Variants in CACNA1D observed in about 807,000 individuals in gnomAD.
CACNA1D encodes voltage-dependent L-type calcium channel subunit alpha-1D.
A neutral mutation model predicts 257.1 loss-of-function variants in CACNA1D; 55 were observed. That is an observed-to-expected ratio of 0.21 (90% CI 0.17 to 0.27). The LOEUF (loss-of-function observed/expected upper bound fraction) is 0.27, where lower values mean the gene tolerates loss of function less well. CACNA1D is among the 10% of genes least tolerant of loss of function. The pLI, the probability that CACNA1D is intolerant of heterozygous loss-of-function variation, is 1.00. For synonymous variants in CACNA1D, 980 were observed against 1,014.9 expected, an observed-to-expected ratio of 0.97 and a Z score of 0.65; for missense variants, 1,876 against 2,784.0, an observed-to-expected ratio of 0.67 and a Z score of 7.34.
intron 3 of CACNA1D, among the ~76,000 whole-genome samples, chr3:53,523,992 T>A (rs951448648): frequency 6.6e-6 from 1 of 152,236 alleles, no homozygotes; most frequent in African/African-American, 2.4e-5. Flanking sequence ...TGTGAAATTC[T>A]CATTTTTAGG....
Position 53,781,795 on chromosome 3 carries a change from TAAAG to T in CACNA1D, c.4792+133_4792+136del, listed in dbSNP as rs1559677452. The T allele has an allele frequency of 5.4e-6, 4 of 739,642 alleles. 1 individual carries two copies. Among genetic ancestry groups the T allele is most frequent in the East Asian group, 2.5e-5 (1 of 39,258 alleles). The allele number at this position is 739,642 out of a possible 1,614,324, so 45.8% of individuals were successfully genotyped here. ...CATTTAGAGCATTAAGGCCAACTGA[TAAAG>T]AAAGCCCTTTGGCCATTTGGTGTGA... On this transcript the variant is annotated intron_variant, in intron 39 of 47. Coordinates refer to ENST00000350061, the MANE Select transcript of CACNA1D (RefSeq NM_001128840.3).
intron 29 of CACNA1D, among the ~76,000 whole-genome samples, chr3:53,759,890 T>C (rs1485842099): frequency 6.6e-6 from 1 of 152,260 alleles, no homozygotes; most frequent in Non-Finnish European, 1.5e-5. Flanking sequence ...GCAGCCCATC[T>C]CTGCTCAGTT....
At chr3:53,511,595 T>C (rs312487) in intron 3 of CACNA1D, among the ~76,000 whole-genome samples, 65,020 of 151,960 alleles carry the variant, frequency 0.43, 15,995 homozygotes, top group East Asian at 0.56. Flanking sequence ...GGGGTCAGGG[T>C]ACGACATTAA....
At chr3:53,593,487 AAGAAAT>A in intron 3 of CACNA1D, among the ~76,000 whole-genome samples, 1 of 152,152 alleles carries the variant, frequency 6.6e-6, no homozygotes, top group African/African-American at 2.4e-5. Context: ...AATACTTTGG[AAGAAAT>A]ACACCCCAAG....
At chr3:53,615,706 A>G (rs1237414538) in intron 3 of CACNA1D, among the ~76,000 whole-genome samples, 1 of 152,224 alleles carries the variant, frequency 6.6e-6, no homozygotes, top group Admixed American at 6.5e-5. Context: ...AGGCTGCACC[A>G]TATATGGGTT....
chr3:53,515,756 C>A (rs1185013370), intron 3 of CACNA1D, among the ~76,000 whole-genome samples: 2 of 152,240 alleles, frequency 1.3e-5, no homozygotes, highest in Non-Finnish European at 2.9e-5. Context: ...CCTCTGTTTT[C>A]TCACCTGTAA....
chr3:53,627,714 A>G lies in CACNA1D; in HGVS notation c.484-23065A>G, dbSNP rs144275858. Among the ~76,000 whole-genome samples the G allele has an allele frequency of 2.1e-3, 325 of 152,166 alleles. 2 individuals carry two copies. The highest frequency in any genetic ancestry group is 7.3e-3 in the African/African-American group (304 of 41,532). On this transcript the variant is annotated intron_variant, in intron 3 of 47. Transcript: ENST00000350061. The stretch of plus-strand genomic sequence containing the variant: ...GTCTAGTTCCATCTGTTGGTTTCTT[A>G]GAAAATGAGGTATTCAGGCCGGGTG...
chr3:53,798,308 C>CAT (rs1553686539), intron 40 of CACNA1D, among the ~76,000 whole-genome samples: 1 of 148,668 alleles, frequency 6.7e-6, no homozygotes, highest in Non-Finnish European at 1.5e-5. Flanking sequence ...TGTATGTGTG[C>CAT]GTGTGTGTGT....
intron 3 of CACNA1D, among the ~76,000 whole-genome samples, chr3:53,590,733 C>T (rs892188490): frequency 4.6e-5 from 7 of 152,176 alleles, no homozygotes; most frequent in African/African-American, 1.7e-4. Flanking sequence ...CGGCCGGGCA[C>T]CCTCTCGTTT....
chr3:53,807,354 C>T (rs2095571911), intron 45 of CACNA1D, among the ~76,000 whole-genome samples: 1 of 152,206 alleles, frequency 6.6e-6, no homozygotes, highest in African/African-American at 2.4e-5. Flanking sequence ...AACCAGGAGG[C>T]CCCACAGTGC....
In CACNA1D at chr3:53,789,319, A is replaced by G. The variant is rs1422029555; in HGVS notation, c.4923+2367A>G. Among the ~76,000 whole-genome samples, 7 of 152,280 alleles carry G rather than the reference A, an allele frequency of 4.6e-5. No homozygotes were observed. The highest frequency in any genetic ancestry group is 4.6e-4 in the Admixed American group (7 of 15,294). Reference sequence around the variant, plus strand: ...CATAATCTTAATAGAGAAACTGAAAATGTACTTGATTCTGAAACATTAAAC... The same window carrying G: ...CATAATCTTAATAGAGAAACTGAAAGTGTACTTGATTCTGAAACATTAAAC... On this transcript the variant is annotated intron_variant, in intron 40 of 47. Coordinates refer to ENST00000350061, the MANE Select transcript of CACNA1D (RefSeq NM_001128840.3). This position sits in a 1 kb window ranked among gnomAD's most constrained non-coding sequence, Gnocchi z 4.2.
At chr3:53,804,165 CCTCTT>C (rs2095550322) in intron 44 of CACNA1D, among the ~76,000 whole-genome samples, 1 of 152,208 alleles carries the variant, frequency 6.6e-6, no homozygotes, top group Non-Finnish European at 1.5e-5. Flanking sequence ...CGCCCTCCAC[CCTCTT>C]CTCTGAACCG....
intron 3 of CACNA1D, among the ~76,000 whole-genome samples, chr3:53,512,290 T>C (rs1326488474): frequency 6.6e-6 from 1 of 152,228 alleles, no homozygotes; most frequent in African/African-American, 2.4e-5. Context: ...CAGCTAGAAT[T>C]TGGTAAAAGA....
intron 8 of CACNA1D, among the ~76,000 whole-genome samples, chr3:53,695,960 TTTTG>T (rs956123300): frequency 2.0e-5 from 3 of 152,086 alleles, no homozygotes; most frequent in African/African-American, 2.4e-5. Flanking sequence ...TCGTTAGTTT[TTTTG>T]TTTGTTTGAT....
intron 4 of CACNA1D, among the ~76,000 whole-genome samples, chr3:53,657,152 C>A (rs556637917): frequency 2.0e-5 from 3 of 152,152 alleles, no homozygotes; most frequent in Admixed American, 1.3e-4. Context: ...CCTCAACGGG[C>A]GAATGGATAA....
intron 9 of CACNA1D, among the ~76,000 whole-genome samples, chr3:53,704,108 G>A (rs566265154): frequency 4.7e-4 from 71 of 152,226 alleles, no homozygotes; most frequent in African/African-American, 1.6e-3. Flanking sequence ...TATGAAGGTC[G>A]GGGTGAGCTG....
At chr3:53,524,121 T>C (rs1000517949) in intron 3 of CACNA1D, among the ~76,000 whole-genome samples, 16 of 152,158 alleles carry the variant, frequency 1.1e-4, no homozygotes, top group African/African-American at 2.9e-4. Flanking sequence ...CTTCTGTCCA[T>C]GGTGAGGGGA....
At chr3:53,738,486 AAAG>A (rs930871645) in intron 20 of CACNA1D, among the ~76,000 whole-genome samples, 3 of 152,210 alleles carry the variant, frequency 2.0e-5, no homozygotes, top group African/African-American at 7.2e-5. Context: ...CATCATAAAA[AAAG>A]GACACAAGGG....
intron 3 of CACNA1D, among the ~76,000 whole-genome samples, chr3:53,550,550 G>T (rs571773188): frequency 5.9e-5 from 9 of 152,310 alleles, no homozygotes; most frequent in Non-Finnish European, 1.3e-4. Flanking sequence ...TTATTTCATG[G>T]ATCATTTTGA....
Sources: allele counts gnomAD v4.1 joint callset (sites outside exome capture counted in the v4.1 genomes callset), GRCh38; gene constraint gnomAD v4.1.1; non-coding constraint Gnocchi (gnomAD v3.1); transcripts MANE v1.5; gene names NCBI Gene and HGNC (gene_info 2026-07-23, HGNC 2026-07-21).